Variants in PGAM5 observed in about 807,000 individuals in gnomAD.
The protein encoded by PGAM5 is serine/threonine-protein phosphatase PGAM5, mitochondrial.
A neutral mutation model predicts 30.6 loss-of-function variants in PGAM5; 25 were observed. The ratio of observed to expected loss-of-function variants is 0.82; its 90% confidence interval spans 0.60 to 1.14. The LOEUF (loss-of-function observed/expected upper bound fraction) is 1.14. PGAM5 is among the 50% of genes most tolerant of loss of function. The pLI, the probability that PGAM5 is intolerant of heterozygous loss-of-function variation, is 0.00. For synonymous variants in PGAM5, 201 were observed against 179.1 expected (o/e 1.12, Z -0.98); for missense variants, 384 against 408.5 (o/e 0.94, Z 0.52).
In PGAM5 at chr12:132,717,575, C is replaced by T. The variant is rs371216034; in HGVS notation, c.496+11C>T. 9.4e-5 allele frequency: 151 copies of T among 1,609,642 alleles called. 1 individual carries two copies. The highest frequency in any genetic ancestry group is 3.3e-4 in the Middle Eastern group (2 of 6,056). Reference sequence around the variant, plus strand: ...GCCGGCACCTGCCAGGTGAGTGCTGCGCGCGGGGCCTCCATGCTTGCAGCA... The same window carrying T: ...GCCGGCACCTGCCAGGTGAGTGCTGTGCGCGGGGCCTCCATGCTTGCAGCA... On this transcript the variant is annotated intron_variant, in intron 3 of 5. Coordinates refer to ENST00000498926, the MANE Select transcript of PGAM5 (RefSeq NM_001170543.2).
chr12:132,714,919 C>T lies in PGAM5; in HGVS notation c.253C>T (p.Leu85=). ...GAACGTGGAATCTGGGGAAGAAGAG[C>T]TGGCGTCCAAGCTGGACCACTACAA... The part of the protein sequence containing the change: ...KRNVESGEEE[L]ASKLDHYKAK... Residue 85 remains leucine (L), a synonymous_variant, in exon 2 of 6, where the codon CTG becomes TTG. Transcript: ENST00000498926. 1 of 1,613,746 alleles carries T rather than the reference C, an allele frequency of 6.2e-7. No individual in the cohort carries two copies. Among genetic ancestry groups the T allele is most frequent in the Non-Finnish European group, 8.5e-7 (1 of 1,179,988 alleles).
rs1355882492 is a variant in PGAM5, at chr12:132,714,990, C to T, written c.324C>T (p.Tyr108=). The change falls in exon 2 of 6, where the codon TAC becomes TAT. Residue 108 remains tyrosine (Y), a synonymous_variant. Transcript: ENST00000498926. ...RHIFLIRHSQ[Y]HVDGSLEKDR... ...TCTTCCTCATCAGGCATTCCCAGTACCACGTGGATGGCTCCCTGGAGAAGG... is the reference window on the plus strand; with the variant it reads ...TCTTCCTCATCAGGCATTCCCAGTATCACGTGGATGGCTCCCTGGAGAAGG... The T allele has an allele frequency of 2.5e-6, 4 of 1,613,234 alleles. No individual in the cohort carries two copies. The highest frequency in any genetic ancestry group is 3.4e-6 in the Non-Finnish European group (4 of 1,179,992).
rs576610000 is a variant in PGAM5, at chr12:132,718,135, G to A, written c.719+15G>A. 27 of 1,612,264 alleles carry A rather than the reference G, an allele frequency of 1.7e-5. No homozygotes were observed. The East Asian group carries it at 6.0e-4, about 36-fold the overall frequency. On this transcript the variant is annotated intron_variant, in intron 5 of 5. Coordinates refer to ENST00000498926, the MANE Select transcript of PGAM5 (RefSeq NM_001170543.2). ...ATCGTGTGCAGGTAGGCAGCTGCTG[G>A]GCTGGGCGTGGTCTAAAATAATTTC...
At position 132,715,043 on chromosome 12, in the gene PGAM5, G is replaced by C. The variant is rs763624994; in HGVS notation, c.370+7G>C. ...CGCACTCTGACCCCGCTGGGTATGTGGTGGGTTCAGATCCTCTGTGGACCC... is the reference window on the plus strand; with the variant it reads ...CGCACTCTGACCCCGCTGGGTATGTCGTGGGTTCAGATCCTCTGTGGACCC... On this transcript the variant is annotated splice_region_variant and intron_variant, in intron 2 of 5. Transcript: ENST00000498926. The C allele has an allele frequency of 3.7e-6, 6 of 1,603,354 alleles. No homozygotes were observed. The highest frequency in any genetic ancestry group is 5.1e-6 in the Non-Finnish European group (6 of 1,175,352).
rs1295022264 is a variant in PGAM5 at position 132,714,853 on chromosome 12, A to G, written c.192-5A>G. 9 of 1,613,338 alleles carry G rather than the reference A, an allele frequency of 5.6e-6. No individual in the cohort carries two copies. Among genetic ancestry groups the G allele is most frequent in the Non-Finnish European group, 7.6e-6 (9 of 1,179,754 alleles). ...TCAAGGACATATCTTGTATTTCAAC[A>G]TCAGGCGAGAACCACTGTCTCTGAT... On this transcript the variant is annotated splice_polypyrimidine_tract_variant and splice_region_variant and intron_variant, in intron 1 of 5. Coordinates refer to ENST00000498926, the MANE Select transcript of PGAM5 (RefSeq NM_001170543.2).
In PGAM5 at chr12:132,717,474, G is replaced by A. The variant is rs778740975; in HGVS notation, c.406G>A (p.Ala136Thr). Residue 136 changes from alanine to threonine, a missense_variant, in exon 3 of 6, where the codon GCA becomes ACA. Physicochemically the swap from Ala to Thr is moderately conservative, Grantham distance 58 (BLOSUM62 0). Transcript: ENST00000498926. The part of the protein sequence containing the change: ...EQAELTGLRL[A>T]SLGLKFNKIV... ...GGCTGAACTCACTGGGCTCCGCCTGGCAAGCTTGGGGTTGAAGTTTAATAA... is the reference window on the plus strand; with the variant it reads ...GGCTGAACTCACTGGGCTCCGCCTGACAAGCTTGGGGTTGAAGTTTAATAA... 6.2e-7 allele frequency: 1 copy of A among 1,609,760 alleles called. No individual in the cohort carries two copies. Among genetic ancestry groups the A allele is most frequent in the East Asian group, 2.2e-5 (1 of 44,856 alleles).
At chr12:132,720,646 C>G (rs1210280970) in intron 5 of PGAM5, 32 bp from the exon 6 acceptor site, 1 of 1,527,074 alleles carries the variant, frequency 6.5e-7, no homozygotes, top group Admixed American at 2.0e-5. Context: ...CTGGCTCTAA[C>G]GTGCTCTTTC....
chr12:132,715,156 T>C (rs1415897167), intron 2 of PGAM5, 120 bp downstream of exon 2: 2 of 1,091,616 alleles, frequency 1.8e-6, no homozygotes, highest in African/African-American at 1.6e-5. Flanking sequence ...TGGTCAGCTT[T>C]CTTGAAAGTG....
intron 2 of PGAM5, 58 bp downstream of exon 2, chr12:132,715,094 T>TCCG: frequency 7.4e-7 from 1 of 1,352,712 alleles, no homozygotes; most frequent in Non-Finnish European, 9.6e-7. Context: ...CAGGTGCATA[T>TCCG]CTGCTGGCGC....
chr12:132,713,945 C>G (rs2043547883), intron 1 of PGAM5, among the ~76,000 whole-genome samples: 1 of 152,042 alleles, frequency 6.6e-6, no homozygotes, highest in African/African-American at 2.4e-5. Context: ...CTGGGATCCA[C>G]TCTTTTTCAG....
At position 132,715,004 on chromosome 12, in the gene PGAM5, C is replaced by G; in HGVS notation, c.338C>G (p.Ser113Cys). The G allele has an allele frequency of 6.2e-7, 1 of 1,613,110 alleles. No individual in the cohort carries two copies. The highest frequency in any genetic ancestry group is 1.1e-5 in the South Asian group (1 of 91,068). ...IRHSQYHVDG[S>C]LEKDRTLTPL... Reference sequence around the variant, plus strand: ...CATTCCCAGTACCACGTGGATGGCTCCCTGGAGAAGGACCGCACTCTGACC... The same window carrying G: ...CATTCCCAGTACCACGTGGATGGCTGCCTGGAGAAGGACCGCACTCTGACC... The change falls in exon 2 of 6, where the codon TCC becomes TGC. Residue 113 changes from serine to cysteine, a missense_variant. By Grantham distance (112) the Ser-to-Cys change is moderately radical (BLOSUM62 -1). Coordinates refer to ENST00000498926, the MANE Select transcript of PGAM5 (RefSeq NM_001170543.2).
chr12:132,718,872 G>A (rs1296702551), intron 5 of PGAM5: 17 of 1,611,476 alleles, frequency 1.1e-5, no homozygotes, highest in Non-Finnish European at 1.4e-5. Context: ...GGCTCGGGGT[G>A]TCCGCTCCCC....
At chr12:132,711,218 G>C (rs2043518673) in intron 1 of PGAM5, 151 bp downstream of exon 1, 1 of 576,602 alleles carries the variant, frequency 1.7e-6, no homozygotes, top group African/African-American at 2.0e-5. Flanking sequence ...CCGCTTTCCG[G>C]GGCCGCTCTG....
intron 4 of PGAM5, 30 bp from the exon 5 acceptor site, chr12:132,717,957 C>T (rs745332955): frequency 2.4e-5 from 38 of 1,612,016 alleles, no homozygotes; most frequent in East Asian, 4.5e-5. Flanking sequence ...CGAGCACTTC[C>T]GCACTGACGG....
chr12:132,721,873 G>A lies in PGAM5; in HGVS notation c.*1045G>A, dbSNP rs1322293359. 6.6e-6 allele frequency: 1 copy of A among 152,208 alleles called. No homozygotes were observed. Among genetic ancestry groups the A allele is most frequent in the Non-Finnish European group, 1.5e-5 (1 of 68,052 alleles). The allele number at this position is 152,208 out of a possible 1,614,324, so 9.4% of individuals were successfully genotyped here. A position where few individuals can be genotyped will look rare whatever the true frequency, so the allele number is the denominator to read the frequency against. Reference sequence around the variant, plus strand: ...CCACCTTGGCCTCCCAAAGTGCTGGGATTAAAGGTGTGAGCCATCGTGCCT... The same window carrying A: ...CCACCTTGGCCTCCCAAAGTGCTGGAATTAAAGGTGTGAGCCATCGTGCCT... On this transcript the variant is annotated 3_prime_UTR_variant, in exon 6 of 6. Transcript: ENST00000498926.
At chr12:132,713,720 G>A (rs1233838913) in intron 1 of PGAM5, among the ~76,000 whole-genome samples, 2 of 152,178 alleles carry the variant, frequency 1.3e-5, no homozygotes, top group African/African-American at 4.8e-5. Flanking sequence ...GCCCAGGCTG[G>A]AGTGCAGTGC....
At chr12:132,712,463 T>C (rs2043532903) in intron 1 of PGAM5, among the ~76,000 whole-genome samples, 1 of 152,216 alleles carries the variant, frequency 6.6e-6, no homozygotes, top group African/African-American at 2.4e-5. Context: ...TTTTCTTTTT[T>C]CTTTTTCCTT....
At chr12:132,712,513 A>G (rs966633792) in intron 1 of PGAM5, among the ~76,000 whole-genome samples, 2 of 151,930 alleles carry the variant, frequency 1.3e-5, no homozygotes, top group Admixed American at 6.6e-5. Flanking sequence ...CTGGAGTGCA[A>G]TGGTGCAATC....
intron 1 of PGAM5, chr12:132,711,331 G>A: frequency 3.9e-6 from 1 of 255,244 alleles, no homozygotes; most frequent in South Asian, 1.7e-4. Flanking sequence ...CGCCCTGGGT[G>A]CCATCGCCGG....
Sources: allele counts gnomAD v4.1 joint callset (sites outside exome capture counted in the v4.1 genomes callset), GRCh38; gene constraint gnomAD v4.1.1; transcripts MANE v1.5; gene names NCBI Gene and HGNC (gene_info 2026-07-23, HGNC 2026-07-21).